The following MYO1B variants were observed in gnomAD, a reference collection of about 807,000 sequenced individuals.
The protein encoded by MYO1B is myosin IB, also known as unconventional myosin-Ib.
A neutral mutation model predicts 159.7 loss-of-function variants in MYO1B; 72 were observed. The ratio of observed to expected loss-of-function variants is 0.45; its 90% CI spans 0.37 to 0.55. The LOEUF (loss-of-function observed/expected upper bound fraction) is 0.55. Ranked by LOEUF, MYO1B falls within the 20% of genes least tolerant of loss-of-function variation. The pLI, the probability that MYO1B is intolerant of heterozygous loss-of-function variation, is 0.00. For synonymous variants in MYO1B, 468 were observed against 473.8 expected (o/e 0.99, Z 0.16); for missense variants, 1,062 against 1,364.8 (o/e 0.78, Z 3.50).
At chr2:191,421,182 G>A (rs1697914255) in intron 30 of MYO1B, among the ~76,000 whole-genome samples, 1 of 151,296 alleles carries the variant, frequency 6.6e-6, no homozygotes, top group Non-Finnish European at 1.5e-5. Flanking sequence ...GGATTCTCCT[G>A]CCTCAGTTCC....
intron 2 of MYO1B, among the ~76,000 whole-genome samples, chr2:191,280,289 C>G (rs1175328574): frequency 2.0e-5 from 3 of 152,188 alleles, no homozygotes; most frequent in African/African-American, 7.2e-5. Flanking sequence ...TTAGAATGTG[C>G]TTTTTGCAAG....
chr2:191,260,734 T>C (rs1180053171), intron 1 of MYO1B, among the ~76,000 whole-genome samples: 2 of 152,198 alleles, frequency 1.3e-5, no homozygotes, highest in Non-Finnish European at 2.9e-5. Context: ...TAGTTTTTAA[T>C]AGTAATTTCT....
chr2:191,388,668 G>T (rs1049184760), intron 17 of MYO1B, among the ~76,000 whole-genome samples: 5 of 151,964 alleles, frequency 3.3e-5, no homozygotes, highest in African/African-American at 7.3e-5. Context: ...GAAACTTTCT[G>T]TGATGAGTTG....
intron 5 of MYO1B, among the ~76,000 whole-genome samples, chr2:191,342,450 G>A (rs961189034): frequency 2.0e-5 from 3 of 152,148 alleles, no homozygotes; most frequent in African/African-American, 7.2e-5. Flanking sequence ...AACCAGAAAT[G>A]AGTTTCCTTA....
intron 12 of MYO1B, 59 bp downstream of exon 12, chr2:191,369,687 T>A: frequency 1.5e-6 from 2 of 1,298,430 alleles, no homozygotes; most frequent in South Asian, 1.2e-5. Flanking sequence ...GTATAAACAT[T>A]AAGTTGAAGA....
chr2:191,368,966 T>C lies in MYO1B; in HGVS notation c.1033-576T>C, dbSNP rs1381447606. Among the ~76,000 whole-genome samples the C allele has an allele frequency of 2.0e-5, 3 of 152,110 alleles. No individual in the cohort carries two copies. The East Asian group carries it at 5.8e-4, about 29-fold the overall frequency. ...TCCAGCCTGGGCAACAGAGTGAGAT[T>C]CTGTCTCCAAAAAAATTTAAAAATA... On this transcript the variant is annotated intron_variant, in intron 11 of 30. Coordinates refer to ENST00000392318, the MANE Select transcript of MYO1B (RefSeq NM_001130158.3).
chr2:191,395,217 C>G (rs140562799), intron 20 of MYO1B, among the ~76,000 whole-genome samples: 1 of 152,322 alleles, frequency 6.6e-6, no homozygotes, highest in African/African-American at 2.4e-5. Flanking sequence ...TGTTCTACAG[C>G]TACATCTGTG....
At chr2:191,314,538 A>G (rs1690223888) in intron 3 of MYO1B, among the ~76,000 whole-genome samples, 1 of 152,248 alleles carries the variant, frequency 6.6e-6, no homozygotes, top group African/African-American at 2.4e-5. Context: ...TCATTCACAT[A>G]TTCATCCATT....
intron 1 of MYO1B, chr2:191,263,353 T>G: frequency 5.1e-6 from 5 of 984,802 alleles, no homozygotes; most frequent in Non-Finnish European, 6.0e-6. Flanking sequence ...AAGTGCTAGT[T>G]AAATCAGTGG....
At chr2:191,408,584 T>G (rs918972166) in intron 25 of MYO1B, among the ~76,000 whole-genome samples, 5 of 152,314 alleles carry the variant, frequency 3.3e-5, no homozygotes, top group Admixed American at 6.5e-5. Flanking sequence ...TCCACCCACA[T>G]GGACTCTGGA....
chr2:191,312,238 A>AT (rs924037325), intron 3 of MYO1B, among the ~76,000 whole-genome samples: 9 of 151,840 alleles, frequency 5.9e-5, no homozygotes, highest in African/African-American at 2.2e-4. Context: ...TCAGTTATAC[A>AT]TTTTTTTTCA....
intron 13 of MYO1B, among the ~76,000 whole-genome samples, chr2:191,376,117 T>C (rs1694696479): frequency 6.6e-6 from 1 of 152,216 alleles, no homozygotes; most frequent in African/African-American, 2.4e-5. Context: ...TATTTTAAAA[T>C]GTTTAAGAAG....
At chr2:191,358,948 T>C (rs1010413499) in intron 7 of MYO1B, among the ~76,000 whole-genome samples, 1 of 152,258 alleles carries the variant, frequency 6.6e-6, no homozygotes, top group Non-Finnish European at 1.5e-5. Flanking sequence ...ATGACCTGTT[T>C]GAAGGAATTC....
At chr2:191,390,599 A>G in intron 18 of MYO1B, 107 bp downstream of exon 18, 1 of 1,273,104 alleles carries the variant, frequency 7.9e-7, no homozygotes, top group Non-Finnish European at 1.1e-6. Context: ...GAAAAACTGG[A>G]TGTAACCTCT....
At chr2:191,362,224 G>A in intron 8 of MYO1B, 44 bp from the exon 9 acceptor site, 1 of 1,453,242 alleles carries the variant, frequency 6.9e-7, no homozygotes, top group Non-Finnish European at 9.7e-7. Flanking sequence ...TTAAAGATTG[G>A]ATTTATTGAA....
rs773943730 is a variant in MYO1B at position 191,409,168 on chromosome 2, A to G, written c.2756A>G (p.His919Arg). ...CACAAGGAGCTAAAAAGGATTTTCCACTTGTGGAGGGTAAAAAATGTCATA... is the reference window on the plus strand; with the variant it reads ...CACAAGGAGCTAAAAAGGATTTTCCGCTTGTGGAGGGTAAAAAATGTCATA... ...STHKELKRIF[H>R]LWRCKKYRDQ... Residue 919 changes from histidine (H) to arginine (R), a missense_variant, in exon 26 of 31, where the codon CAC becomes CGC. Physicochemically the swap from His to Arg is conservative, Grantham distance 29 (BLOSUM62 0). Transcript: ENST00000392318. 1 of 1,607,092 alleles carries G rather than the reference A, an allele frequency of 6.2e-7. No individual in the cohort carries two copies. The highest frequency in any genetic ancestry group is 8.5e-7 in the Non-Finnish European group (1 of 1,178,310).
intron 3 of MYO1B, among the ~76,000 whole-genome samples, chr2:191,320,668 C>T (rs192970261): frequency 6.6e-6 from 1 of 152,208 alleles, no homozygotes; most frequent in Admixed American, 6.5e-5. Context: ...CTGTAAGGCA[C>T]ACCCACAGAT....
At chr2:191,386,519 CACTT>C (rs987353801) in intron 16 of MYO1B, among the ~76,000 whole-genome samples, 201 of 10,744 alleles carry the variant, frequency 0.019, no homozygotes, top group African/African-American at 0.02. Context: ...TTTTTTAAAA[CACTT>C]ATTTATTTGG....
intron 30 of MYO1B, 171 bp downstream of exon 30, chr2:191,416,413 C>T (rs1327869676): frequency 7.3e-6 from 5 of 686,452 alleles, no homozygotes. Flanking sequence ...TCTCCAACCT[C>T]ATGTACCTGA....
Sources: gnomAD v4.1 joint callset for allele counts (sites outside exome capture counted in the v4.1 genomes callset) on GRCh38, gnomAD v4.1.1 for gene constraint, MANE v1.5 for transcripts, NCBI Gene and HGNC (gene_info 2026-07-23, HGNC 2026-07-21) for gene names.